NAA11: variants seen among roughly 807,000 people sequenced by gnomAD.
NAA11 encodes N-alpha-acetyltransferase 11, NatA catalytic subunit.
A neutral mutation model predicts 16.1 loss-of-function variants in NAA11; 15 were observed. That is an observed-to-expected ratio of 0.93 (90% CI 0.62 to 1.44). The LOEUF is 1.44. NAA11 is among the 40% of genes most tolerant of loss of function. The probability of loss-of-function intolerance (pLI) is 0.00; values close to 1 mark genes in which losing one functional copy is unlikely to be tolerated. For synonymous variants in NAA11, 122 were observed against 112.4 expected (o/e 1.09, Z -0.54); for missense variants, 298 against 291.3 (o/e 1.02, Z -0.17).
At chr4:79,218,355 T>G in the NAA11 span, among the ~76,000 whole-genome samples, 1 of 151,940 alleles carries the variant, frequency 6.6e-6, no homozygotes, top group African/African-American at 2.4e-5. Context: ...TTTTTTTTTT[T>G]GGTTGGAAAA....
Position 79,325,601 on chromosome 4 carries a change from G to GGTCCATCAGCTTCTGGGCCA in NAA11, c.257_276dup (p.Gln93TrpfsTer5). 6.2e-7 allele frequency: 1 copy of GGTCCATCAGCTTCTGGGCCA among 1,614,072 alleles called. No individual in the cohort carries two copies. Among genetic ancestry groups the GGTCCATCAGCTTCTGGGCCA allele is most frequent in the Non-Finnish European group, 8.5e-7 (1 of 1,179,944 alleles). On this transcript the variant is annotated stop_gained and frameshift_variant, in exon 1 of 2. Transcript: ENST00000286794. LOFTEE classifies it high-confidence loss of function. ...TTCTCTATCATGGCCCTGGAGGCCT[G>GGTCCATCAGCTTCTGGGCCA]GTCCATCAGCTTCTGGGCCAGGCCG...
At chr4:79,180,147 G>A in the NAA11 span, among the ~76,000 whole-genome samples, 2 of 152,044 alleles carry the variant, frequency 1.3e-5, no homozygotes, top group African/African-American at 4.8e-5. Flanking sequence ...CTATATCAAT[G>A]GTGATTCTGT....
At chr4:79,204,931 A>ACACACACACG in the NAA11 span, among the ~76,000 whole-genome samples, 3 of 147,526 alleles carry the variant, frequency 2.0e-5, no homozygotes, top group Admixed American at 6.7e-5. Flanking sequence ...GTGTGTATAC[A>ACACACACACG]CACACACACA....
At chr4:79,265,089 C>T (rs1033313058) in intron 2 of NAA11, among the ~76,000 whole-genome samples, 1 of 152,320 alleles carries the variant, frequency 6.6e-6, no homozygotes, top group East Asian at 1.9e-4. Context: ...GCAATCCCAT[C>T]CTCCCAGTTG....
chr4:79,201,871 A>G, the NAA11 span, among the ~76,000 whole-genome samples: 1 of 151,788 alleles, frequency 6.6e-6, no homozygotes, highest in Non-Finnish European at 1.5e-5. Flanking sequence ...CAAAAAAATA[A>G]CTTCAACTTC....
chr4:79,219,594 AT>A, the NAA11 span, among the ~76,000 whole-genome samples: 941 of 152,190 alleles, frequency 6.2e-3, 12 homozygotes, highest in African/African-American at 0.021. Flanking sequence ...ATGCATTGAC[AT>A]TTTTTTCAAC....
chr4:79,166,944 TTC>T, the NAA11 span, among the ~76,000 whole-genome samples: 2 of 146,718 alleles, frequency 1.4e-5, no homozygotes, highest in Admixed American at 6.8e-5. Context: ...CTGTCTCTGT[TTC>T]TCTTTCTCCT....
At chr4:79,310,325 C>A (rs1019717255) in intron 1 of NAA11, among the ~76,000 whole-genome samples, 1 of 152,064 alleles carries the variant, frequency 6.6e-6, no homozygotes, top group Admixed American at 6.6e-5. Context: ...ATTTTGGTAC[C>A]CTTAATATTT....
chr4:79,280,450 C>G (rs1722759082), intron 2 of NAA11, among the ~76,000 whole-genome samples: 1 of 151,990 alleles, frequency 6.6e-6, no homozygotes, highest in Non-Finnish European at 1.5e-5. Context: ...GTATTAGGAC[C>G]CTGAGAATAC....
At chr4:79,316,224 C>G (rs1723922562), downstream of NAA11, among the ~76,000 whole-genome samples, 1 of 151,848 alleles carries the variant, frequency 6.6e-6, no homozygotes, top group Non-Finnish European at 1.5e-5. Flanking sequence ...TGTTAGAAAG[C>G]TGTAATATTT....
intron 2 of NAA11, among the ~76,000 whole-genome samples, chr4:79,243,686 C>A (rs4988619): frequency 1.3e-5 from 2 of 152,190 alleles, no homozygotes; most frequent in South Asian, 4.1e-4. Context: ...ATTCTTGCCT[C>A]CTCAGAAGAA....
rs371890624 is a variant in NAA11 at position 79,256,614 on chromosome 4, TAACTC to T, written c.*123-30349_*123-30345del. Among the ~76,000 whole-genome samples the T allele has an allele frequency of 1.4e-3, 181 of 132,556 alleles. 1 individual carries two copies. The highest frequency in any genetic ancestry group is 4.5e-3 in the African/African-American group (162 of 35,676). The allele number at this position is 132,556 out of a possible 152,430, so 87.0% of individuals were successfully genotyped here. A position where few individuals can be genotyped will look rare whatever the true frequency, so the allele number is the denominator to read the frequency against. On this transcript the variant is annotated intron_variant and NMD_transcript_variant, in intron 2 of 2. Coordinates refer to the NAA11 transcript ENST00000511542. ...TGAGGGTTCTAAAATGGTAATATAT[TAACTC>T]AATTAAAATGAACCATATATATATA...
At chr4:79,167,637 A>G in the NAA11 span, among the ~76,000 whole-genome samples, 1 of 152,046 alleles carries the variant, frequency 6.6e-6, no homozygotes, top group South Asian at 2.1e-4. Flanking sequence ...TCTCATTGCT[A>G]TGAAGAAATA....
At position 79,255,094 on chromosome 4, in the gene NAA11, T is replaced by G. The variant is rs140584515; in HGVS notation, c.*123-28824A>C. ...ATACTACATGCTGTATGGTTTCATT[T>G]ATAGAAATTTCAAAGACAGGGAAAA... On this transcript the variant is annotated intron_variant and NMD_transcript_variant, in intron 2 of 2. Transcript: ENST00000511542. 1.9e-3 allele frequency among the ~76,000 whole-genome samples: 283 copies of G among 152,266 alleles called. 1 individual carries two copies. The highest frequency in any genetic ancestry group is 0.014 in the Middle Eastern group (4 of 294).
chr4:79,279,072 C>A (rs1722731347), intron 2 of NAA11, among the ~76,000 whole-genome samples: 2 of 152,018 alleles, frequency 1.3e-5, no homozygotes, highest in Non-Finnish European at 2.9e-5. Context: ...AAAGACCTAA[C>A]CTCTTTACAC....
intron 2 of NAA11, among the ~76,000 whole-genome samples, chr4:79,268,210 T>G (rs569641613): frequency 6.6e-6 from 1 of 152,254 alleles, no homozygotes; most frequent in Admixed American, 6.5e-5. Flanking sequence ...GTTTAAAAAA[T>G]ATGATACAAA....
intron 1 of NAA11, among the ~76,000 whole-genome samples, chr4:79,296,983 G>A (rs969394054): frequency 1.5e-4 from 23 of 152,164 alleles, no homozygotes; most frequent in Non-Finnish European, 2.2e-4. Flanking sequence ...CAGCAGGAGC[G>A]GCTGTGGGAG....
downstream of NAA11, among the ~76,000 whole-genome samples, chr4:79,316,364 G>A (rs951979455): frequency 1.3e-5 from 2 of 152,174 alleles, no homozygotes; most frequent in African/African-American, 4.8e-5. Context: ...CACAAGAAAT[G>A]GCAAATCCTT....
intron 2 of NAA11, among the ~76,000 whole-genome samples, chr4:79,233,162 T>A (rs1239517487): frequency 6.6e-6 from 1 of 151,904 alleles, no homozygotes; most frequent in Non-Finnish European, 1.5e-5. Flanking sequence ...TTGATGTGAG[T>A]TGGATTCAAG....
Sources: allele counts gnomAD v4.1 joint callset (sites outside exome capture counted in the v4.1 genomes callset), GRCh38; gene constraint gnomAD v4.1.1; transcripts MANE v1.5; gene names NCBI Gene and HGNC (gene_info 2026-07-23, HGNC 2026-07-21).